The following HECW2 variants were observed in gnomAD, a reference collection of about 807,000 sequenced individuals.
HECW2 encodes the protein E3 ubiquitin-protein ligase HECW2.
Under a neutral mutation model 175.2 loss-of-function variants are expected in HECW2, and 61 were observed. That is an observed-to-expected ratio of 0.35 (90% CI 0.28 to 0.43). HECW2 has a LOEUF of 0.43. HECW2 is among the 20% of genes least tolerant of loss of function. The pLI, the probability that HECW2 is intolerant of heterozygous loss-of-function variation, is 1.00. For missense variants in HECW2, 1,524 were observed against 2,000.5 expected, an observed-to-expected ratio of 0.76 and a Z score of 4.54; for synonymous variants, 671 against 731.0, an observed-to-expected ratio of 0.92 and a Z score of 1.32.
At position 196,194,149 on chromosome 2, in the gene HECW2, T is replaced by C. The variant is rs1163072607; in HGVS notation, c.*7128A>G. ...CCCATCAAACAGTAAAATATTCTTG[T>C]AGGGATAAACAAAGTAGATTCCAAA... On this transcript the variant is annotated 3_prime_UTR_variant, in exon 29 of 29. Coordinates refer to ENST00000644978, the MANE Select transcript of HECW2 (RefSeq NM_001348768.2). 6.6e-6 allele frequency: 1 copy of C among 152,064 alleles called. No individual in the cohort carries two copies. The highest frequency in any genetic ancestry group is 2.4e-5 in the African/African-American group (1 of 41,434). The allele number at this position is 152,064 out of a possible 1,614,324, so 9.4% of individuals were successfully genotyped here.
At chr2:196,449,667 T>C (rs985847839) in intron 1 of HECW2, among the ~76,000 whole-genome samples, 1 of 152,172 alleles carries the variant, frequency 6.6e-6, no homozygotes, top group Non-Finnish European at 1.5e-5. Context: ...ATAAATAAAT[T>C]ATTTTTGCTA....
At chr2:196,487,007 G>C (rs946204340) in intron 1 of HECW2, among the ~76,000 whole-genome samples, 1 of 152,058 alleles carries the variant, frequency 6.6e-6, no homozygotes, top group African/African-American at 2.4e-5. Context: ...GCATGAGCCA[G>C]GCATGGTGGC....
At chr2:196,344,785 T>C (rs192026496) in intron 2 of HECW2, among the ~76,000 whole-genome samples, 35 of 152,350 alleles carry the variant, frequency 2.3e-4, no homozygotes, top group African/African-American at 7.0e-4. Context: ...GGTTGCACTT[T>C]AACTGAGAGT....
chr2:196,305,229 A>G (rs1323683170), intron 13 of HECW2, among the ~76,000 whole-genome samples: 2 of 152,166 alleles, frequency 1.3e-5, no homozygotes, highest in African/African-American at 4.8e-5. Context: ...GCACATAATC[A>G]TCAACAAACT....
At chr2:196,280,738 T>C (rs1377538790) in intron 14 of HECW2, among the ~76,000 whole-genome samples, 3 of 152,218 alleles carry the variant, frequency 2.0e-5, no homozygotes, top group African/African-American at 7.2e-5. Context: ...AAATGTCACA[T>C]TGGTCCCATT....
chr2:196,546,899 A>G (rs1210681013), intron 1 of HECW2, among the ~76,000 whole-genome samples: 3 of 152,174 alleles, frequency 2.0e-5, no homozygotes, highest in Non-Finnish European at 4.4e-5. Flanking sequence ...AGCTATGAGG[A>G]CACTAGGGAG....
At chr2:196,524,930 G>A (rs1197167731) in intron 1 of HECW2, among the ~76,000 whole-genome samples, 2 of 138,138 alleles carry the variant, frequency 1.4e-5, no homozygotes, top group East Asian at 2.0e-4. Context: ...GTGTGGTGTG[G>A]TGCTGAAAAA....
In HECW2 at chr2:196,253,976, G is replaced by A. The variant is rs1222885555; in HGVS notation, c.3473C>T (p.Pro1158Leu). The change falls in exon 19 of 29, where the codon CCC (proline) becomes CTC (leucine). Residue 1158 changes from proline (P) to leucine (L), a missense_variant. By Grantham distance (98) the Pro-to-Leu change is moderately conservative. Coordinates refer to ENST00000644978, the MANE Select transcript of HECW2 (RefSeq NM_001348768.2). Reference sequence around the variant, plus strand: ...GCCACGTGGGGACTGACAGTAGCTGGGGTGGAGTAAGGCATGTGGAGGCAC... The same window carrying A: ...GCCACGTGGGGACTGACAGTAGCTGAGGTGGAGTAAGGCATGTGGAGGCAC... ...SYVPPHALLH[P>L]SYCQSPRGSP... is the part of the protein sequence containing the mutation. 6.2e-7 allele frequency: 1 copy of A among 1,614,054 alleles called. No individual in the cohort carries two copies. Among genetic ancestry groups the A allele is most frequent in the East Asian group, 2.2e-5 (1 of 44,876 alleles).
intron 2 of HECW2, among the ~76,000 whole-genome samples, chr2:196,380,006 AC>A (rs770723793): frequency 2.0e-5 from 3 of 152,208 alleles, no homozygotes; most frequent in Non-Finnish European, 4.4e-5. Context: ...TTTTTGAGAA[AC>A]AGTGAAATTT....
chr2:196,390,916 A>G (rs16850720), intron 2 of HECW2, among the ~76,000 whole-genome samples: 28,667 of 151,954 alleles, frequency 0.19, 3,765 homozygotes, highest in African/African-American at 0.37. Flanking sequence ...TGCGAGCTCA[A>G]TTTCCTTATT....
At chr2:196,441,152 T>C (rs1447861308) in intron 1 of HECW2, among the ~76,000 whole-genome samples, 1 of 152,200 alleles carries the variant, frequency 6.6e-6, no homozygotes, top group African/African-American at 2.4e-5. Flanking sequence ...TGTTTTTTAT[T>C]GAAAATAGTT....
intron 1 of HECW2, among the ~76,000 whole-genome samples, chr2:196,461,032 A>T (rs990681430): frequency 1.3e-5 from 2 of 152,032 alleles, no homozygotes; most frequent in Non-Finnish European, 2.9e-5. Context: ...TGTTGGCCCA[A>T]CTCACTCTCT....
chr2:196,322,765 A>T, intron 6 of HECW2, 145 bp from the exon 7 acceptor site: 2 of 670,938 alleles, frequency 3.0e-6, no homozygotes, highest in Non-Finnish European at 4.9e-6. Flanking sequence ...AGCTATTGTC[A>T]ATCCTTTATT....
rs974938443 is a variant in HECW2, at chr2:196,318,589, A to C, written c.2301T>G (p.Cys767Trp). The C allele has an allele frequency of 6.5e-7, 1 of 1,536,988 alleles. No homozygotes were observed. Reference sequence around the variant, plus strand: ...CCTCCTCCTGGGCAGTTGCCCCTTCACAGGTGCCTTGGGCCTCCCCAGCAC... The same window carrying C: ...CCTCCTCCTGGGCAGTTGCCCCTTCCCAGGTGCCTTGGGCCTCCCCAGCAC... Reference protein sequence around the residue: ...EGSAGEAQGTCEGATAQEEGA... With the variant: ...EGSAGEAQGTWEGATAQEEGA... Residue 767 changes from cysteine to tryptophan, a missense_variant, in exon 9 of 29, where the codon TGT (cysteine) becomes TGG (tryptophan). Coordinates refer to ENST00000644978, the MANE Select transcript of HECW2 (RefSeq NM_001348768.2).
At position 196,521,212 on chromosome 2, in the gene HECW2, T is replaced by C. The variant is rs866431391; in HGVS notation, c.-36+72296A>G. Among the ~76,000 whole-genome samples, 5 of 147,834 alleles carry C rather than the reference T, an allele frequency of 3.4e-5. No homozygotes were observed. In the East Asian group the frequency reaches 7.8e-4, roughly 23 times the overall value. On this transcript the variant is annotated intron_variant, in intron 1 of 28. Transcript: ENST00000644978. The stretch of plus-strand genomic sequence containing the variant: ...GAGACCAGCATCACACCCAGGATCA[T>C]TACTTCAAAGGGTTTTCCTCTATCC...
At chr2:196,434,383 G>A (rs903704212) in intron 1 of HECW2, among the ~76,000 whole-genome samples, 1 of 152,110 alleles carries the variant, frequency 6.6e-6, no homozygotes, top group African/African-American at 2.4e-5. Flanking sequence ...ATCATGATAA[G>A]CTATTTCCTT....
At chr2:196,302,583 T>C (rs1380728304) in intron 13 of HECW2, among the ~76,000 whole-genome samples, 2 of 152,252 alleles carry the variant, frequency 1.3e-5, no homozygotes, top group African/African-American at 4.8e-5. Context: ...GTGTCTTCTC[T>C]GATTTCTTTT....
At chr2:196,225,748 T>G (rs774945916) in intron 23 of HECW2, 24 bp downstream of exon 23, 1 of 1,387,150 alleles carries the variant, frequency 7.2e-7, no homozygotes, top group South Asian at 1.2e-5. Context: ...ATGCTAATTA[T>G]GCAGGCAATA....
intron 14 of HECW2, among the ~76,000 whole-genome samples, chr2:196,286,731 A>G (rs1690405313): frequency 1.3e-5 from 2 of 152,220 alleles, no homozygotes; most frequent in African/African-American, 4.8e-5. Context: ...TGCATAACTT[A>G]AGGTAATTAA....
Sources: allele counts gnomAD v4.1 joint callset (sites outside exome capture counted in the v4.1 genomes callset), GRCh38; gene constraint gnomAD v4.1.1; transcripts MANE v1.5; gene names NCBI Gene and HGNC (gene_info 2026-07-23, HGNC 2026-07-21).